The following RALGPS2 variants were observed in gnomAD, a reference collection of about 807,000 sequenced individuals.
RALGPS2 encodes ras-specific guanine nucleotide-releasing factor RalGPS2.
Under a neutral mutation model 86.8 loss-of-function variants are expected in RALGPS2, and 43 were observed. The observed-to-expected ratio is 0.50, with a 90% CI of 0.39 to 0.64. RALGPS2 has a LOEUF of 0.64. Among genes scored for constraint, RALGPS2 ranks in the 30% least tolerant of loss-of-function variants. The pLI, the probability that RALGPS2 is intolerant of heterozygous loss-of-function variation, is 0.00. For synonymous variants in RALGPS2, 243 were observed against 231.3 expected (o/e 1.05, Z -0.46); for missense variants, 536 against 694.6 (o/e 0.77, Z 2.57).
At chr1:178,913,004 G>T (rs1028431786) in intron 19 of RALGPS2, among the ~76,000 whole-genome samples, 1 of 152,130 alleles carries the variant, frequency 6.6e-6, no homozygotes, top group Non-Finnish European at 1.5e-5. Flanking sequence ...TTCCTAGGCT[G>T]GGAGTGGTGG....
chr1:178,755,715 G>A (rs1175150684), intron 1 of RALGPS2, among the ~76,000 whole-genome samples: 2 of 152,170 alleles, frequency 1.3e-5, no homozygotes, highest in African/African-American at 4.8e-5. Flanking sequence ...CCAGTAATGG[G>A]TTGCTGTGTC....
At chr1:178,914,292 A>G (rs1660731670) in intron 19 of RALGPS2, among the ~76,000 whole-genome samples, 1 of 152,128 alleles carries the variant, frequency 6.6e-6, no homozygotes, top group African/African-American at 2.4e-5. Context: ...TGTCTCTGCC[A>G]GCTCTCCAGG....
At chr1:178,793,647 A>C (rs1654061566) in intron 4 of RALGPS2, among the ~76,000 whole-genome samples, 1 of 152,126 alleles carries the variant, frequency 6.6e-6, no homozygotes. Context: ...GTGGGCAGGA[A>C]TCTTTGTTCC....
intron 16 of RALGPS2, 125 bp from the exon 17 acceptor site, chr1:178,897,539 A>G (rs17674780): frequency 0.27 from 193,490 of 708,738 alleles, 29,218 homozygotes; most frequent in Non-Finnish European, 0.32. Context: ...GAAGTGATAC[A>G]GCTCAACTCT....
chr1:178,864,828 C>T, intron 8 of RALGPS2: 1 of 559,314 alleles, frequency 1.8e-6, no homozygotes, highest in Non-Finnish European at 2.7e-6. Context: ...TAATAAAAAA[C>T]AATAGAAATT....
At chr1:178,811,242 T>A (rs1654961252) in intron 5 of RALGPS2, 73 bp from the exon 6 acceptor site, 2 of 1,243,572 alleles carry the variant, frequency 1.6e-6, no homozygotes, top group East Asian at 2.9e-5. Flanking sequence ...TCTGCCAAAA[T>A]TTTTTAAAAT....
chr1:178,893,316 A>G (rs1206235947), intron 15 of RALGPS2, among the ~76,000 whole-genome samples: 2 of 151,644 alleles, frequency 1.3e-5, no homozygotes, highest in Admixed American at 1.3e-4. Context: ...GTGGAGAGCT[A>G]TTAGGCCATA....
At chr1:178,885,567 T>C (rs1659446191) in intron 12 of RALGPS2, 1 of 192,160 alleles carries the variant, frequency 5.2e-6, no homozygotes, top group Non-Finnish European at 1.0e-5. Flanking sequence ...AAATAACAGC[T>C]ATAAAAATTA....
chr1:178,816,007 A>G (rs966724198), intron 6 of RALGPS2, among the ~76,000 whole-genome samples: 2 of 152,126 alleles, frequency 1.3e-5, no homozygotes, highest in South Asian at 2.1e-4. Flanking sequence ...TATTGTTTTT[A>G]CTTTGGCTTT....
intron 8 of RALGPS2, among the ~76,000 whole-genome samples, chr1:178,855,926 C>T (rs900210218): frequency 6.7e-6 from 1 of 148,924 alleles, no homozygotes; most frequent in Admixed American, 6.7e-5. Flanking sequence ...ACACGAATTA[C>T]ATTGAATATA....
At position 178,738,234 on chromosome 1, in the gene RALGPS2, A is replaced by C. The variant is rs1650832970; in HGVS notation, c.-84+12815A>C. On this transcript the variant is annotated intron_variant, in intron 1 of 19. Coordinates refer to ENST00000367635, the MANE Select transcript of RALGPS2 (RefSeq NM_152663.5). ...TTTTTTTTTTTTTTTTTTGAGTTAG[A>C]GTCTCACTCTGTCGCCCAGGCTGGA... 1.6e-5 allele frequency among the ~76,000 whole-genome samples: 2 copies of C among 125,004 alleles called. 1 individual carries two copies. Among genetic ancestry groups the C allele is most frequent in the South Asian group, 5.3e-4 (2 of 3,762 alleles). 82.0% of individuals were successfully genotyped at this position (125,004 alleles called of 152,430 possible).
intron 1 of RALGPS2, chr1:178,747,052 A>G: frequency 1.1e-6 from 1 of 873,962 alleles, no homozygotes; most frequent in Admixed American, 1.8e-5. Flanking sequence ...TGAGAATCTC[A>G]GTTGATCTGG....
At chr1:178,729,431 C>G (rs896331781) in intron 1 of RALGPS2, among the ~76,000 whole-genome samples, 1 of 152,074 alleles carries the variant, frequency 6.6e-6, no homozygotes, top group African/African-American at 2.4e-5. Context: ...TAGTGATGCT[C>G]AGATATTTGT....
Position 178,808,035 on chromosome 1 carries a change from A to G in RALGPS2, c.214-10A>G, listed in dbSNP as rs369860458. On this transcript the variant is annotated splice_polypyrimidine_tract_variant and intron_variant, in intron 4 of 19. Transcript: ENST00000367635. ...ATTACTTAAATTTAATTTTCACCTT[A>G]ATTTTCCAGGAGCTTTCAAGTTGTG... The G allele has an allele frequency of 6.3e-7, 1 of 1,581,474 alleles. No homozygotes were observed. The highest frequency in any genetic ancestry group is 1.3e-5 in the African/African-American group (1 of 74,288).
chr1:178,765,985 G>A (rs554427151), intron 1 of RALGPS2, among the ~76,000 whole-genome samples: 4 of 152,168 alleles, frequency 2.6e-5, no homozygotes, highest in South Asian at 2.1e-4. Context: ...TGCAGTTAAC[G>A]CAGTCATCAC....
At chr1:178,780,584 A>T (rs1653341542) in intron 2 of RALGPS2, among the ~76,000 whole-genome samples, 1 of 152,136 alleles carries the variant, frequency 6.6e-6, no homozygotes, top group African/African-American at 2.4e-5. Flanking sequence ...AAATTTTTGG[A>T]TTTAACCCCT....
chr1:178,834,068 C>A (rs1221830998), intron 8 of RALGPS2, among the ~76,000 whole-genome samples: 1 of 152,052 alleles, frequency 6.6e-6, no homozygotes, highest in Non-Finnish European at 1.5e-5. Flanking sequence ...TATTATATAT[C>A]TTGTAGTGCT....
chr1:178,765,497 G>A (rs1652459256), intron 1 of RALGPS2, among the ~76,000 whole-genome samples: 1 of 152,132 alleles, frequency 6.6e-6, no homozygotes, highest in Admixed American at 6.6e-5. Context: ...ATATCACAAG[G>A]CAAATGGAGG....
At chr1:178,862,615 T>G (rs1658110609) in intron 8 of RALGPS2, among the ~76,000 whole-genome samples, 1 of 151,184 alleles carries the variant, frequency 6.6e-6, no homozygotes, top group Non-Finnish European at 1.5e-5. Flanking sequence ...ATTTATTTAT[T>G]TATTTATTTA....
Sources: allele counts gnomAD v4.1 joint callset (sites outside exome capture counted in the v4.1 genomes callset), GRCh38; gene constraint gnomAD v4.1.1; transcripts MANE v1.5; gene names NCBI Gene and HGNC (gene_info 2026-07-23, HGNC 2026-07-21).